SCUBE3: variants seen among roughly 807,000 people sequenced by gnomAD.
SCUBE3 encodes signal peptide, CUB and EGF-like domain-containing protein 3.
Under a neutral mutation model 116.8 loss-of-function variants are expected in SCUBE3, and 33 were observed. That is an observed-to-expected ratio of 0.28 (90% CI 0.21 to 0.38). The LOEUF (loss-of-function observed/expected upper bound fraction) is 0.38. Among genes scored for constraint, SCUBE3 ranks in the 10% least tolerant of loss-of-function variants. The pLI, the probability that SCUBE3 is intolerant of heterozygous loss-of-function variation, is 1.00. For missense variants in SCUBE3, 1,007 were observed against 1,324.8 expected (o/e 0.76, Z 3.72); for synonymous variants, 418 against 496.9 (o/e 0.84, Z 2.11).
rs1784572595 is a variant in SCUBE3 at position 35,251,997 on chromosome 6, T to G, written c.*3292T>G. 6.6e-6 allele frequency: 1 copy of G among 151,928 alleles called. No homozygotes were observed. The highest frequency in any genetic ancestry group is 1.5e-5 in the Non-Finnish European group (1 of 67,922). 9.4% of individuals were successfully genotyped at this position (151,928 alleles called of 1,614,324 possible). On this transcript the variant is annotated 3_prime_UTR_variant, in exon 22 of 22. Transcript: ENST00000274938. ...AGGCCTCTCTGCAGCGTGTAGGGTG[T>G]GGGGCGACAGTATTGTGGGGCTTCC...
chr6:35,221,053 G>A (rs549357286), intron 1 of SCUBE3: 1 of 152,168 alleles, frequency 6.6e-6, no homozygotes, highest in Non-Finnish European at 1.5e-5. Context: ...TGTGGGTTAG[G>A]ATATCATGGC....
intron 1 of SCUBE3, among the ~76,000 whole-genome samples, chr6:35,226,866 T>C (rs1783351352): frequency 6.6e-6 from 1 of 152,158 alleles, no homozygotes; most frequent in Non-Finnish European, 1.5e-5. Context: ...TAGCACCTAT[T>C]GTTAGAGCTA....
rs373740053 is a variant in SCUBE3 at position 35,241,099 on chromosome 6, A to G, written c.1070-42A>G. On this transcript the variant is annotated intron_variant, in intron 9 of 21. Coordinates refer to ENST00000274938, the MANE Select transcript of SCUBE3 (RefSeq NM_152753.4). This position sits in a 1 kb window ranked among gnomAD's most constrained non-coding sequence, Gnocchi z 4.1. Reference sequence around the variant, plus strand: ...CTGCCTACTCTCCGGCTCCTCCTCCAACTCCATCGTTGTTTTTCTGTCTCC... The same window carrying G: ...CTGCCTACTCTCCGGCTCCTCCTCCGACTCCATCGTTGTTTTTCTGTCTCC... 4 of 1,559,168 alleles carry G rather than the reference A, an allele frequency of 2.6e-6. No individual in the cohort carries two copies. Among genetic ancestry groups the G allele is most frequent in the Middle Eastern group, 1.7e-4 (1 of 5,862 alleles).
intron 1 of SCUBE3, among the ~76,000 whole-genome samples, chr6:35,227,019 G>A (rs1363938278): frequency 1.3e-5 from 2 of 152,146 alleles, no homozygotes. Context: ...AATCATCCAG[G>A]ATGGAACATT....
At chr6:35,217,752 G>A (rs1207264590) in intron 1 of SCUBE3, among the ~76,000 whole-genome samples, 2 of 152,118 alleles carry the variant, frequency 1.3e-5, no homozygotes, top group African/African-American at 4.8e-5. Flanking sequence ...GCCGGCTATT[G>A]CCTGTGCCCT....
chr6:35,251,077 T>A lies in SCUBE3; in HGVS notation c.*2372T>A, dbSNP rs1266654594. ...TCTCTGTACTTCCCAGGAAGCACCATGAAAACTGCTTTAATCAACTCTGAC... is the reference window on the plus strand; with the variant it reads ...TCTCTGTACTTCCCAGGAAGCACCAAGAAAACTGCTTTAATCAACTCTGAC... On this transcript the variant is annotated 3_prime_UTR_variant, in exon 22 of 22. Transcript: ENST00000274938. The A allele has an allele frequency of 6.6e-6, 1 of 152,016 alleles. No individual in the cohort carries two copies. The highest frequency in any genetic ancestry group is 1.9e-4 in the East Asian group (1 of 5,184). The allele number at this position is 152,016 out of a possible 1,614,324, so 9.4% of individuals were successfully genotyped here.
intron 13 of SCUBE3, 139 bp downstream of exon 13, chr6:35,242,459 C>T: frequency 1.1e-6 from 1 of 899,194 alleles, no homozygotes; most frequent in Non-Finnish European, 1.8e-6. Flanking sequence ...AGGCATAGCA[C>T]CCAAGGAAGT....
chr6:35,231,439 A>G lies in SCUBE3; in HGVS notation c.335-286A>G, dbSNP rs1783543912. The stretch of plus-strand genomic sequence containing the variant: ...CTTTCCTGGTGTCCTCTGTCTTCAT[A>G]CCCAGTTTACACAGGTGAGGGAAAG... On this transcript the variant is annotated intron_variant, in intron 3 of 21. Transcript: ENST00000274938. The surrounding 1 kb of genome is among the most constrained non-coding windows in gnomAD (Gnocchi z 4.2). Among the ~76,000 whole-genome samples, 2 of 152,092 alleles carry G rather than the reference A, an allele frequency of 1.3e-5. No individual in the cohort carries two copies. Among genetic ancestry groups the G allele is most frequent in the Non-Finnish European group, 2.9e-5 (2 of 68,006 alleles).
At position 35,214,473 on chromosome 6, in the gene SCUBE3, C is replaced by T. The variant is rs1359799157; in HGVS notation, c.55C>T (p.Arg19Cys). 2.0e-6 allele frequency: 3 copies of T among 1,507,980 alleles called. No homozygotes were observed. Among genetic ancestry groups the T allele is most frequent in the Non-Finnish European group, 1.8e-6 (2 of 1,132,830 alleles). 93.4% of individuals were successfully genotyped at this position (1,507,980 alleles called of 1,614,324 possible). ...LCLLVLLVHA[R>C]AAQYSKAAQD... Reference sequence around the variant, plus strand: ...CCTGCTTGTCCTGCTGGTCCACGCCCGCGCCGCCCAGTACAGCAAAGCCGC... The same window carrying T: ...CCTGCTTGTCCTGCTGGTCCACGCCTGCGCCGCCCAGTACAGCAAAGCCGC... Residue 19 changes from arginine (R) to cysteine (C), a missense_variant, in exon 1 of 22, where the codon CGC (arginine) becomes TGC (cysteine). Transcript: ENST00000274938. The surrounding 1 kb of genome is among the most constrained non-coding windows in gnomAD (Gnocchi z 6.3).
Position 35,238,841 on chromosome 6 carries a change from C to T in SCUBE3, c.829+823C>T, listed in dbSNP as rs183109623. Reference sequence around the variant, plus strand: ...ATCCCCTGGTCACAAGGAGTGGGGACGAGGAGGACTGGGCTCGTTCTTTGT... The same window carrying T: ...ATCCCCTGGTCACAAGGAGTGGGGATGAGGAGGACTGGGCTCGTTCTTTGT... On this transcript the variant is annotated intron_variant, in intron 7 of 21. Coordinates refer to ENST00000274938, the MANE Select transcript of SCUBE3 (RefSeq NM_152753.4). 6.2e-4 allele frequency among the ~76,000 whole-genome samples: 95 copies of T among 152,156 alleles called. 1 individual carries two copies. Among genetic ancestry groups the T allele is most frequent in the Admixed American group, 3.7e-3 (57 of 15,294 alleles).
intron 1 of SCUBE3, among the ~76,000 whole-genome samples, chr6:35,217,660 G>A (rs371592343): frequency 6.6e-6 from 1 of 152,082 alleles, no homozygotes; most frequent in South Asian, 2.1e-4. Flanking sequence ...ACAGTGAGGG[G>A]ACTGTTCCTA....
intron 14 of SCUBE3, 55 bp downstream of exon 14, chr6:35,242,835 G>A: frequency 6.3e-7 from 1 of 1,592,462 alleles, no homozygotes. Context: ...CAGAGGTGGG[G>A]AAACCACAGG....
In SCUBE3 at chr6:35,243,575, G is replaced by A. The variant is rs138619419; in HGVS notation, c.1910-19G>A. The A allele has an allele frequency of 2.1e-3, 3,394 of 1,578,924 alleles. 50 individuals carry two copies. In the African/African-American group the frequency reaches 0.035, roughly 16 times the overall value. On this transcript the variant is annotated intron_variant, in intron 15 of 21. Transcript: ENST00000274938. The surrounding 1 kb of genome is among the most constrained non-coding windows in gnomAD (Gnocchi z 6.6). ...GGAAATGCGGGGGTGGGTGGCTAGC[G>A]CGGCCGACTCTCCCTCAGTCAGCTG...
At position 35,232,969 on chromosome 6, in the gene SCUBE3, T is replaced by C; in HGVS notation, c.589T>C (p.Cys197Arg). The C allele has an allele frequency of 6.2e-7, 1 of 1,614,016 alleles. No homozygotes were observed. The highest frequency in any genetic ancestry group is 8.5e-7 in the Non-Finnish European group (1 of 1,179,936). Reference protein sequence around the residue: ...GFELTKNQRDCKLTCNYGNGG... With the variant: ...GFELTKNQRDRKLTCNYGNGG... ...TGAGCTTACCAAGAACCAACGGGAC[T>C]GTAAATGTGAGATAATTGGGATGGC... is the stretch of plus-strand genomic sequence containing the variant. The change falls in exon 5 of 22, where the codon TGT becomes CGT. Residue 197 changes from cysteine (C) to arginine (R), a missense_variant. Cys to Arg is a radical substitution (Grantham distance 180). This residue lies in a region of SCUBE3 where 214 missense variants were observed against 316.7 expected (regional missense o/e 0.68). Coordinates refer to ENST00000274938, the MANE Select transcript of SCUBE3 (RefSeq NM_152753.4). The surrounding 1 kb of genome is among the most constrained non-coding windows in gnomAD (Gnocchi z 4.2).
In SCUBE3 at chr6:35,246,372, T is replaced by G. The variant is rs1784338832; in HGVS notation, c.2832+87T>G. 4 of 957,910 alleles carry G rather than the reference T, an allele frequency of 4.2e-6. No individual in the cohort carries two copies. The East Asian group carries it at 9.6e-5, about 23-fold the overall frequency. The allele number at this position is 957,910 out of a possible 1,614,324, so 59.3% of individuals were successfully genotyped here. A position where few individuals can be genotyped will look rare whatever the true frequency, so the allele number is the denominator to read the frequency against. On this transcript the variant is annotated intron_variant, in intron 21 of 21. Transcript: ENST00000274938. The stretch of plus-strand genomic sequence containing the variant: ...AATAGGCTAAGTGCTTACATGAATA[T>G]TCTCACTTGATAGACACAATAGCTC...
chr6:35,238,041 A>C, intron 7 of SCUBE3, 23 bp downstream of exon 7: 1 of 1,423,648 alleles, frequency 7.0e-7, no homozygotes, highest in Non-Finnish European at 9.9e-7. Flanking sequence ...AGAGGACAGA[A>C]GCAGAGTGAC....
At chr6:35,246,326 A>G (rs1784336216) in intron 21 of SCUBE3, 41 bp downstream of exon 21, 5 of 1,405,010 alleles carry the variant, frequency 3.6e-6, no homozygotes, top group Non-Finnish European at 5.1e-6. Context: ...ACATTTAATA[A>G]GCATGTAACA....
rs1044528371 is a variant in SCUBE3 at position 35,236,096 on chromosome 6, A to G, written c.713-1806A>G. On this transcript the variant is annotated intron_variant, in intron 6 of 21. Coordinates refer to ENST00000274938, the MANE Select transcript of SCUBE3 (RefSeq NM_152753.4). Reference sequence around the variant, plus strand: ...TCTCTGATCCTCAGTTTACTTTTCTATAAAATAACAGTCCTTCCTTAGGGT... The same window carrying G: ...TCTCTGATCCTCAGTTTACTTTTCTGTAAAATAACAGTCCTTCCTTAGGGT... 5.3e-5 allele frequency among the ~76,000 whole-genome samples: 8 copies of G among 152,270 alleles called. No individual in the cohort carries two copies. In the East Asian group the frequency reaches 1.5e-3, roughly 29 times the overall value.
chr6:35,245,140 C>CT lies in SCUBE3; in HGVS notation c.2402-87dup. 1 of 1,209,928 alleles carries CT rather than the reference C, an allele frequency of 8.3e-7. No homozygotes were observed. Among genetic ancestry groups the CT allele is most frequent in the Non-Finnish European group, 1.2e-6 (1 of 824,132 alleles). 74.9% of individuals were successfully genotyped at this position (1,209,928 alleles called of 1,614,324 possible). A position where few individuals can be genotyped will look rare whatever the true frequency, so the allele number is the denominator to read the frequency against. On this transcript the variant is annotated intron_variant, in intron 18 of 21. Coordinates refer to ENST00000274938, the MANE Select transcript of SCUBE3 (RefSeq NM_152753.4). This position sits in a 1 kb window ranked among gnomAD's most constrained non-coding sequence, Gnocchi z 4.2. ...CAGACTTCCCATAAATGTCTGACCT[C>CT]TACTTCAGAACTCTTCAATTCCCCC... is the stretch of plus-strand genomic sequence containing the variant.
Sources: gnomAD v4.1 joint callset for allele counts (sites outside exome capture counted in the v4.1 genomes callset) on GRCh38, gnomAD v4.1.1 for gene constraint, gnomAD v4.1.1 regional missense constraint, Gnocchi (gnomAD v3.1) non-coding constraint, MANE v1.5 for transcripts, NCBI Gene and HGNC (gene_info 2026-07-23, HGNC 2026-07-21) for gene names.